The following AFF3 variants were observed in gnomAD, a reference collection of about 807,000 sequenced individuals.
AFF3 encodes AF4/FMR2 family member 3.
AFF3 carries 32 observed loss-of-function variants against 129.7 expected under a neutral mutation model. The ratio of observed to expected loss-of-function variants is 0.25; its 90% CI spans 0.19 to 0.33. The LOEUF (loss-of-function observed/expected upper bound fraction) is 0.33, where lower values mean the gene tolerates loss of function less well. Ranked by LOEUF, AFF3 falls within the 10% of genes least tolerant of loss-of-function variation. The pLI is 1.00. For synonymous variants in AFF3, 644 were observed against 635.4 expected, an observed-to-expected ratio of 1.01 and a Z score of -0.20; for missense variants, 1,373 against 1,592.0, an observed-to-expected ratio of 0.86 and a Z score of 2.34.
At chr2:100,111,629 C>T (rs776029043) in intron 2 of AFF3, among the ~76,000 whole-genome samples, 6 of 152,184 alleles carry the variant, frequency 3.9e-5, no homozygotes, top group Non-Finnish European at 5.9e-5. Flanking sequence ...TTGCCACATA[C>T]ACAAAAATAT....
chr2:99,674,448 G>GTT (rs1201489748), intron 11 of AFF3, among the ~76,000 whole-genome samples: 1 of 152,146 alleles, frequency 6.6e-6, no homozygotes, highest in East Asian at 1.9e-4. Context: ...CCCCAAGACT[G>GTT]TTTTCCTACC....
At chr2:99,920,619 T>C (rs1368655679) in intron 7 of AFF3, among the ~76,000 whole-genome samples, 1 of 152,018 alleles carries the variant, frequency 6.6e-6, no homozygotes, top group East Asian at 1.9e-4. Flanking sequence ...TTTTAAATGT[T>C]TTTCCCTTAG....
intron 1 of AFF3, among the ~76,000 whole-genome samples, chr2:100,131,414 T>C (rs1692425018): frequency 6.6e-6 from 1 of 152,192 alleles, no homozygotes; most frequent in South Asian, 2.1e-4. Context: ...CCCAGGGATC[T>C]AGGGATGAAT....
chr2:99,648,917 A>ACACTCTCTCTCTCTCTCTCTCT, intron 13 of AFF3, among the ~76,000 whole-genome samples: 13 of 46,932 alleles, frequency 2.8e-4, no homozygotes, highest in African/African-American at 8.4e-4. Flanking sequence ...ACACACACAC[A>ACACTCTCTCTCTCTCTCTCTCT]CTCTCTCTCT....
At chr2:100,038,004 G>A (rs905540730) in intron 4 of AFF3, among the ~76,000 whole-genome samples, 2 of 151,146 alleles carry the variant, frequency 1.3e-5, no homozygotes, top group Non-Finnish European at 1.5e-5. Flanking sequence ...CTGAAATGAC[G>A]ATGGGTAAAA....
intron 13 of AFF3, among the ~76,000 whole-genome samples, chr2:99,629,454 G>C (rs1575548454): frequency 6.6e-6 from 1 of 152,272 alleles, no homozygotes; most frequent in East Asian, 1.9e-4. Flanking sequence ...GCTAACCAGG[G>C]AGGTGAAGGA....
chr2:99,578,543 C>T, intron 17 of AFF3, 92 bp from the exon 18 acceptor site: 1 of 1,533,984 alleles, frequency 6.5e-7, no homozygotes, highest in Non-Finnish European at 8.8e-7. Context: ...ATATCTTTGG[C>T]TCTACAGAAC....
intron 8 of AFF3, among the ~76,000 whole-genome samples, chr2:99,755,899 G>A (rs112006008): frequency 9.2e-5 from 14 of 152,338 alleles, no homozygotes; most frequent in Non-Finnish European, 1.9e-4. Flanking sequence ...CACAAGGGGA[G>A]AATCAATGGT....
At chr2:99,677,545 C>T (rs565197507) in intron 11 of AFF3, among the ~76,000 whole-genome samples, 1 of 152,300 alleles carries the variant, frequency 6.6e-6, no homozygotes, top group East Asian at 1.9e-4. Context: ...TAACACCCTT[C>T]CTGACACGCA....
intron 8 of AFF3, among the ~76,000 whole-genome samples, chr2:99,825,777 T>G (rs1688037134): frequency 2.0e-5 from 3 of 152,216 alleles, no homozygotes; most frequent in Admixed American, 2.0e-4. Flanking sequence ...CACTCCCTCC[T>G]GTTTCTAGCC....
intron 7 of AFF3, among the ~76,000 whole-genome samples, chr2:99,937,731 C>T (rs1674656084): frequency 6.6e-6 from 1 of 152,118 alleles, no homozygotes; most frequent in South Asian, 2.1e-4. Context: ...GATGTAAAAA[C>T]AGTAATAGAA....
intron 11 of AFF3, among the ~76,000 whole-genome samples, chr2:99,678,652 C>T (rs1001712909): frequency 2.6e-5 from 4 of 152,184 alleles, no homozygotes; most frequent in Non-Finnish European, 4.4e-5. Context: ...GTTTCTATAG[C>T]TGGTGCTGCT....
chr2:99,935,179 C>G (rs879329525), intron 7 of AFF3, among the ~76,000 whole-genome samples: 6 of 152,158 alleles, frequency 3.9e-5, no homozygotes, highest in Non-Finnish European at 5.9e-5. Flanking sequence ...TTCTCCAGAG[C>G]CATGAAGACC....
intron 3 of AFF3, chr2:100,104,850 T>A: frequency 4.2e-6 from 2 of 480,220 alleles, no homozygotes; most frequent in Non-Finnish European, 2.6e-6. Context: ...CCCGCCCGCC[T>A]CTTTCTCCTC....
chr2:99,781,822 A>G lies in AFF3; in HGVS notation c.922-29521T>C, dbSNP rs181713990. The stretch of plus-strand genomic sequence containing the variant: ...AATATTATACCAAAAGGGCATTTGC[A>G]TTTGTTACCAGATTAACCAAGTATA... On this transcript the variant is annotated intron_variant, in intron 8 of 24. Transcript: ENST00000672756. Among the ~76,000 whole-genome samples, 1,188 of 152,348 alleles carry G rather than the reference A, an allele frequency of 7.8e-3. 12 individuals are homozygous for G. The highest frequency in any genetic ancestry group is 0.017 in the Middle Eastern group (5 of 294).
At chr2:99,566,712 CT>C (rs1214479591) in intron 19 of AFF3, among the ~76,000 whole-genome samples, 4 of 152,218 alleles carry the variant, frequency 2.6e-5, no homozygotes, top group Non-Finnish European at 4.4e-5. Context: ...CCTTACTACT[CT>C]TTGTAGGTAA....
chr2:99,771,964 T>C (rs1349718852), intron 8 of AFF3, among the ~76,000 whole-genome samples: 1 of 152,170 alleles, frequency 6.6e-6, no homozygotes, highest in Non-Finnish European at 1.5e-5. Flanking sequence ...AAACCATAAA[T>C]ATGTCATTTA....
intron 11 of AFF3, among the ~76,000 whole-genome samples, chr2:99,687,999 C>T (rs973045467): frequency 1.4e-4 from 21 of 152,134 alleles, no homozygotes; most frequent in African/African-American, 5.1e-4. Context: ...CCCGCCACCA[C>T]GCCCGGCTAA....
At chr2:100,117,973 AT>A (rs1483572696) in intron 2 of AFF3, among the ~76,000 whole-genome samples, 2 of 152,084 alleles carry the variant, frequency 1.3e-5, no homozygotes, top group African/African-American at 4.8e-5. Context: ...CCCTCACTTC[AT>A]TGCCTCACCT....
Sources: gnomAD v4.1 joint callset for allele counts (sites outside exome capture counted in the v4.1 genomes callset) on GRCh38, gnomAD v4.1.1 for gene constraint, MANE v1.5 for transcripts, NCBI Gene and HGNC (gene_info 2026-07-23, HGNC 2026-07-21) for gene names.